Variants in SUPT3H observed in about 807,000 individuals in gnomAD.
SUPT3H encodes the protein transcription initiation protein SPT3 homolog.
In SUPT3H, 44 loss-of-function variants were observed where a neutral mutation model predicts 44.3. The ratio of observed to expected loss-of-function variants is 0.99; its 90% CI spans 0.78 to 1.28. The LOEUF (loss-of-function observed/expected upper bound fraction) is 1.28. Ranked by LOEUF, SUPT3H falls within the 50% of genes most tolerant of loss-of-function variation. The pLI is 0.00. For synonymous variants in SUPT3H, 124 were observed against 125.6 expected, an observed-to-expected ratio of 0.99 and a Z score of 0.09; for missense variants, 380 against 387.1, an observed-to-expected ratio of 0.98 and a Z score of 0.15.
intron 2 of SUPT3H, among the ~76,000 whole-genome samples, chr6:45,236,276 C>T (rs559696328): frequency 6.6e-5 from 10 of 152,160 alleles, no homozygotes; most frequent in Middle Eastern, 3.4e-3. Flanking sequence ...GTCGAAAGGT[C>T]GCCGGGGCAA....
At chr6:44,870,789 G>C (rs1447286169) in intron 10 of SUPT3H, among the ~76,000 whole-genome samples, 1 of 150,722 alleles carries the variant, frequency 6.6e-6, no homozygotes, top group Non-Finnish European at 1.5e-5. Context: ...CAGTGTGTGC[G>C]CGCACCCTGC....
intron 2 of SUPT3H, among the ~76,000 whole-genome samples, chr6:45,256,122 GT>G (rs981153916): frequency 2.0e-5 from 3 of 152,152 alleles, no homozygotes; most frequent in African/African-American, 7.2e-5. Flanking sequence ...AGTGAGCCGA[GT>G]TTGCACCACT....
chr6:45,152,594 T>A (rs1444363256), intron 2 of SUPT3H, among the ~76,000 whole-genome samples: 4 of 152,104 alleles, frequency 2.6e-5, no homozygotes, highest in Non-Finnish European at 5.9e-5. Flanking sequence ...CGGGTTCAAG[T>A]GATTCTCGTG....
At chr6:44,981,466 G>A (rs952155146) in intron 6 of SUPT3H, among the ~76,000 whole-genome samples, 2 of 152,206 alleles carry the variant, frequency 1.3e-5, no homozygotes, top group Non-Finnish European at 2.9e-5. Context: ...AATACATTCT[G>A]TATATCAACA....
intron 3 of SUPT3H, among the ~76,000 whole-genome samples, chr6:45,065,078 A>G (rs1446743979): frequency 1.3e-5 from 2 of 150,596 alleles, no homozygotes; most frequent in Non-Finnish European, 1.5e-5. Context: ...CTCCTCAGCA[A>G]ATGTAAAAGA....
intron 10 of SUPT3H, among the ~76,000 whole-genome samples, chr6:44,927,214 A>G (rs1448123525): frequency 6.6e-6 from 1 of 152,136 alleles, no homozygotes; most frequent in Non-Finnish European, 1.5e-5. Flanking sequence ...ATAAGTAACA[A>G]TATTAGAATA....
chr6:45,252,695 G>T (rs1031566634), intron 2 of SUPT3H, among the ~76,000 whole-genome samples: 2 of 151,942 alleles, frequency 1.3e-5, no homozygotes, highest in Admixed American at 1.3e-4. Flanking sequence ...TGATTCATGT[G>T]CAGGTTCTTG....
At chr6:44,829,948 TG>T in intron 10 of SUPT3H, 91 bp from the exon 11 acceptor site, 1 of 1,151,074 alleles carries the variant, frequency 8.7e-7, no homozygotes, top group Non-Finnish European at 1.3e-6. Context: ...CTTCCTGTTT[TG>T]TAGACTCTGC....
At chr6:44,834,887 G>T (rs1769528509) in intron 10 of SUPT3H, among the ~76,000 whole-genome samples, 1 of 152,082 alleles carries the variant, frequency 6.6e-6, no homozygotes, top group Non-Finnish European at 1.5e-5. Context: ...TAGGGGAGGG[G>T]GAAGGAAGGA....
chr6:44,943,108 A>G (rs1423377163), intron 9 of SUPT3H, among the ~76,000 whole-genome samples: 1 of 152,204 alleles, frequency 6.6e-6, no homozygotes, highest in African/African-American at 2.4e-5. Context: ...CAGCAATTCT[A>G]ACCATGCTCC....
chr6:44,929,397 T>C (rs540172616), intron 10 of SUPT3H, among the ~76,000 whole-genome samples: 3 of 152,206 alleles, frequency 2.0e-5, no homozygotes, highest in Non-Finnish European at 4.4e-5. Flanking sequence ...CACATTGTTA[T>C]GGGTATTCTA....
At chr6:44,902,589 T>G (rs561499557) in intron 10 of SUPT3H, among the ~76,000 whole-genome samples, 3 of 152,252 alleles carry the variant, frequency 2.0e-5, no homozygotes, top group African/African-American at 7.2e-5. Flanking sequence ...TGGGAGACTT[T>G]AACACCCCAC....
At chr6:44,961,907 A>C (rs1357956052) in intron 6 of SUPT3H, 79 bp from the exon 7 acceptor site, 28 of 1,111,512 alleles carry the variant, frequency 2.5e-5, no homozygotes, top group Non-Finnish European at 3.4e-5. Flanking sequence ...CTTAGAATTG[A>C]AGTACCATTT....
chr6:44,828,614 T>G lies in SUPT3H; in HGVS notation c.*1202A>C, dbSNP rs1364954266. The G allele has an allele frequency of 1.3e-5, 2 of 152,080 alleles. No individual in the cohort carries two copies. The highest frequency in any genetic ancestry group is 2.9e-5 in the Non-Finnish European group (2 of 67,988). The allele number at this position is 152,080 out of a possible 1,614,324, so 9.4% of individuals were successfully genotyped here. On this transcript the variant is annotated 3_prime_UTR_variant, in exon 11 of 11. Coordinates refer to ENST00000371459, the MANE Select transcript of SUPT3H (RefSeq NM_003599.4). ...TTCAGAAAGTTTTATACTTCCAAAT[T>G]TGGGTGAAGGGAGAACTATTTCTAC...
At chr6:44,868,850 T>G (rs1775918385) in intron 10 of SUPT3H, among the ~76,000 whole-genome samples, 1 of 152,220 alleles carries the variant, frequency 6.6e-6, no homozygotes, top group Non-Finnish European at 1.5e-5. Flanking sequence ...ACTGCAGACC[T>G]CCTGCTGCAG....
chr6:45,281,841 T>C (rs1289271639), intron 2 of SUPT3H, among the ~76,000 whole-genome samples: 1 of 152,044 alleles, frequency 6.6e-6, no homozygotes, highest in Non-Finnish European at 1.5e-5. Context: ...CACCCCCCAG[T>C]AGGGGCAGAC....
chr6:45,376,871 A>G (rs1238452209), intron 1 of SUPT3H, among the ~76,000 whole-genome samples: 1 of 152,224 alleles, frequency 6.6e-6, no homozygotes, highest in African/African-American at 2.4e-5. Flanking sequence ...ATATACACAT[A>G]CATATACTTA....
chr6:45,064,905 A>G (rs1792970027), intron 3 of SUPT3H, among the ~76,000 whole-genome samples: 1 of 147,348 alleles, frequency 6.8e-6, no homozygotes, highest in Non-Finnish European at 1.5e-5. Context: ...GATCAACGAG[A>G]CAGAAAGTCA....
chr6:44,975,271 A>G (rs996313870), intron 6 of SUPT3H, among the ~76,000 whole-genome samples: 17 of 152,210 alleles, frequency 1.1e-4, no homozygotes, highest in African/African-American at 4.1e-4. Context: ...AAATATTTTA[A>G]AAGTTGACTC....
Sources: allele counts gnomAD v4.1 joint callset (sites outside exome capture counted in the v4.1 genomes callset), GRCh38; gene constraint gnomAD v4.1.1; transcripts MANE v1.5; gene names NCBI Gene and HGNC (gene_info 2026-07-23, HGNC 2026-07-21).